The following THSD7B variants were observed in gnomAD, a reference collection of about 807,000 sequenced individuals.
The protein encoded by THSD7B is thrombospondin type-1 domain-containing protein 7B.
In THSD7B, 138 loss-of-function variants were observed where a neutral mutation model predicts 213.6. The ratio of observed to expected loss-of-function variants is 0.65; its 90% CI spans 0.56 to 0.74. The LOEUF is 0.74. Among genes scored for constraint, THSD7B ranks in the 30% least tolerant of loss-of-function variants. THSD7B has a pLI of 0.00. For missense variants in THSD7B, 1,931 were observed against 1,991.5 expected, an observed-to-expected ratio of 0.97 and a Z score of 0.58; for synonymous variants, 742 against 687.0, an observed-to-expected ratio of 1.08 and a Z score of -1.25.
chr2:136,951,447 T>A (rs1317276952), intron 2 of THSD7B, among the ~76,000 whole-genome samples: 1 of 152,226 alleles, frequency 6.6e-6, no homozygotes, highest in East Asian at 1.9e-4. Context: ...GCTGTTAGAA[T>A]TCATTTATAT....
At chr2:137,411,938 G>A (rs148688292) in intron 14 of THSD7B, 66 bp downstream of exon 14, 2 of 1,557,516 alleles carry the variant, frequency 1.3e-6, no homozygotes, top group Non-Finnish European at 1.7e-6. Flanking sequence ...TTTGTCTCAG[G>A]TCTAGAATTA....
chr2:137,356,416 C>T (rs1485066136), intron 12 of THSD7B, among the ~76,000 whole-genome samples: 1 of 152,112 alleles, frequency 6.6e-6, no homozygotes, highest in African/African-American at 2.4e-5. Context: ...GACAAAGTTG[C>T]TCTACCATGC....
rs753883362 is a variant in THSD7B, at chr2:137,272,538, G to T, written c.2272G>T (p.Ala758Ser). ...TTCTTTTTCCTTTACTTCAGGAAAT[G>T]CCACAGTAAAACAGTCTCGATACAG... Reference protein sequence around the residue: ...PCPRMCQAGNATVKQSRYRII... With the variant: ...PCPRMCQAGNSTVKQSRYRII... The change falls in exon 11 of 28, where the codon GCC (alanine) becomes TCC (serine). Residue 758 changes from alanine to serine, a missense_variant. By Grantham distance (99) the Ala-to-Ser change is moderately conservative. Coordinates refer to ENST00000409968, the MANE Select transcript of THSD7B (RefSeq NM_001316349.2). 11 of 1,603,896 alleles carry T rather than the reference G, an allele frequency of 6.9e-6. No homozygotes were observed. The highest frequency in any genetic ancestry group is 9.3e-6 in the Non-Finnish European group (11 of 1,176,910).
chr2:137,388,350 A>G (rs543970546), intron 12 of THSD7B, among the ~76,000 whole-genome samples: 34 of 152,216 alleles, frequency 2.2e-4, no homozygotes, highest in African/African-American at 8.2e-4. Context: ...ACAGTAAAAA[A>G]AAAAAGGAGA....
intron 17 of THSD7B, among the ~76,000 whole-genome samples, chr2:137,596,149 G>A (rs994915510): frequency 2.0e-5 from 3 of 151,908 alleles, no homozygotes; most frequent in African/African-American, 7.2e-5. Flanking sequence ...AGCACAGAAG[G>A]CAACATGGAA....
chr2:136,890,107 C>T (rs1037048590), intron 2 of THSD7B, among the ~76,000 whole-genome samples: 6 of 152,064 alleles, frequency 3.9e-5, no homozygotes, highest in African/African-American at 1.2e-4. Flanking sequence ...AGAAATTTGA[C>T]GCCATTCTGA....
At chr2:137,435,955 G>C (rs560972702) in intron 14 of THSD7B, among the ~76,000 whole-genome samples, 1 of 152,150 alleles carries the variant, frequency 6.6e-6, no homozygotes, top group Non-Finnish European at 1.5e-5. Context: ...AATTCCCTAA[G>C]AGAATCTGAG....
At chr2:137,184,983 C>T (rs1240800463) in intron 7 of THSD7B, among the ~76,000 whole-genome samples, 1 of 151,976 alleles carries the variant, frequency 6.6e-6, no homozygotes, top group African/African-American at 2.4e-5. Context: ...TGACTTTTAG[C>T]TTTTTGTTTT....
intron 3 of THSD7B, among the ~76,000 whole-genome samples, chr2:137,063,239 G>T (rs1219996053): frequency 6.6e-6 from 1 of 151,890 alleles, no homozygotes; most frequent in Non-Finnish European, 1.5e-5. Context: ...CACTCTGACA[G>T]TCTGTCTTTT....
At chr2:137,539,902 T>C (rs915290670) in intron 15 of THSD7B, among the ~76,000 whole-genome samples, 1 of 151,726 alleles carries the variant, frequency 6.6e-6, no homozygotes, top group Non-Finnish European at 1.5e-5. Context: ...TGCTGAATAA[T>C]CAATACTTCA....
At chr2:137,563,572 TC>T (rs1681168271) in intron 16 of THSD7B, among the ~76,000 whole-genome samples, 1 of 152,150 alleles carries the variant, frequency 6.6e-6, no homozygotes, top group Non-Finnish European at 1.5e-5. Context: ...CTTTAGCGTA[TC>T]CTGCAAATGA....
intron 2 of THSD7B, among the ~76,000 whole-genome samples, chr2:137,055,663 A>G (rs970495153): frequency 6.6e-6 from 1 of 152,212 alleles, no homozygotes; most frequent in Non-Finnish European, 1.5e-5. Flanking sequence ...TTACAAGCTA[A>G]TGTTGGAAAC....
intron 2 of THSD7B, among the ~76,000 whole-genome samples, chr2:137,031,302 G>A (rs1451294893): frequency 6.6e-6 from 1 of 152,178 alleles, no homozygotes; most frequent in Admixed American, 6.5e-5. Context: ...CCGAGATCAT[G>A]CCACTGCACT....
intron 2 of THSD7B, among the ~76,000 whole-genome samples, chr2:136,954,823 C>A (rs1277844328): frequency 1.3e-5 from 2 of 151,616 alleles, no homozygotes; most frequent in African/African-American, 2.4e-5. Flanking sequence ...TCTGGATCCT[C>A]AGAATTCAGC....
At chr2:137,656,233 G>C (rs921580063) in intron 22 of THSD7B, among the ~76,000 whole-genome samples, 46 of 152,008 alleles carry the variant, frequency 3.0e-4, no homozygotes, top group African/African-American at 1.1e-3. Context: ...TTATAATACA[G>C]TATATAACAT....
chr2:136,840,801 A>G (rs538292889), intron 1 of THSD7B, among the ~76,000 whole-genome samples: 5 of 152,166 alleles, frequency 3.3e-5, no homozygotes, highest in African/African-American at 7.2e-5. Context: ...TGGAAACCCA[A>G]TGGAAAAAGA....
At chr2:137,071,941 G>A (rs1413896012) in intron 3 of THSD7B, among the ~76,000 whole-genome samples, 4 of 152,076 alleles carry the variant, frequency 2.6e-5, no homozygotes, top group Non-Finnish European at 5.9e-5. Context: ...TATTTCTGAG[G>A]GCTCTGTTCT....
At chr2:136,826,680 A>C (rs1329172157) in intron 1 of THSD7B, among the ~76,000 whole-genome samples, 1 of 152,190 alleles carries the variant, frequency 6.6e-6, no homozygotes, top group Admixed American at 6.5e-5. Context: ...TTGCATTCTA[A>C]TAATCATTAA....
intron 2 of THSD7B, 85 bp from the exon 3 acceptor site, chr2:137,056,335 A>C: frequency 7.3e-7 from 1 of 1,364,442 alleles, no homozygotes; most frequent in Non-Finnish European, 9.9e-7. Flanking sequence ...CTTGTGTTGG[A>C]AAGTGTGTTA....
Sources: gnomAD v4.1 joint callset for allele counts (sites outside exome capture counted in the v4.1 genomes callset) on GRCh38, gnomAD v4.1.1 for gene constraint, MANE v1.5 for transcripts, NCBI Gene and HGNC (gene_info 2026-07-23, HGNC 2026-07-21) for gene names.